The following IL13RA2 variants were observed in gnomAD, a reference collection of about 807,000 sequenced individuals.
IL13RA2 encodes interleukin 13 receptor subunit alpha 2.
Under a neutral mutation model 34.1 loss-of-function variants are expected in IL13RA2, and 25 were observed. The ratio of observed to expected loss-of-function variants is 0.73; its 90% confidence interval spans 0.53 to 1.03. The LOEUF is 1.03. Among genes scored for constraint, IL13RA2 ranks in the 50% least tolerant of loss-of-function variants. The pLI is 0.00. For missense variants in IL13RA2, 297 were observed against 280.9 expected (o/e 1.06, Z -0.41); for synonymous variants, 106 against 100.4 (o/e 1.06, Z -0.33).
At position 115,013,809 on chromosome X, in the gene IL13RA2, T is replaced by G; in HGVS notation, c.481A>C (p.Ile161Leu). 9.5e-7 allele frequency: 1 copy of G among 1,056,927 alleles called. No homozygotes were observed. The allele number at this position is 1,056,927 out of a possible 1,213,427, so 87.1% of individuals were successfully genotyped here. The change falls in exon 5 of 10, where the codon ATA becomes CTA. Residue 161 changes from isoleucine to leucine, a missense_variant. Physicochemically the swap from Ile to Leu is conservative, Grantham distance 5. Coordinates refer to ENST00000243213, the MANE Select transcript of IL13RA2 (RefSeq NM_000640.3). ...QYLLCSWKPG[I>L]GVLLDTNYNL... ...TAATTGGTATCAAGAAGTACACCTA[T>G]GCCAGGTTTCCAAGAACAGAGTAAA... is the stretch of plus-strand genomic sequence containing the variant.
In IL13RA2 at chrX:115,010,646, A is replaced by G; in HGVS notation, c.704T>C (p.Ile235Thr). ...AGTTGTTTGTTGGTTTACATCACCT[A>G]TATTTTGAAGCTGAAAAGTGAAATA... Reference protein sequence around the residue: ...SSYFTFQLQNIVKPLPPVYLT... With the variant: ...SSYFTFQLQNTVKPLPPVYLT... The change falls in exon 6 of 10, where the codon ATA (isoleucine) becomes ACA (threonine). Residue 235 changes from isoleucine (I) to threonine (T), a missense_variant and splice_region_variant. Ile to Thr is a moderately conservative substitution (Grantham distance 89). Coordinates refer to ENST00000243213, the MANE Select transcript of IL13RA2 (RefSeq NM_000640.3). 2 of 868,798 alleles carry G rather than the reference A, an allele frequency of 2.3e-6. No individual in the cohort carries two copies. Among genetic ancestry groups the G allele is most frequent in the South Asian group, 5.0e-5 (2 of 39,838 alleles). 71.6% of individuals were successfully genotyped at this position (868,798 alleles called of 1,213,427 possible).
At chrX:115,015,025 A>T (rs1282833773) in intron 3 of IL13RA2, among the ~76,000 whole-genome samples, 4 of 111,442 alleles carry the variant, frequency 3.6e-5, no homozygotes, top group African/African-American at 1.3e-4. Flanking sequence ...GACAAAAATC[A>T]TTTATTATTT....
chrX:115,014,535 C>A lies in IL13RA2; in HGVS notation c.286G>T (p.Asp96Tyr). 8.4e-7 allele frequency: 1 copy of A among 1,186,513 alleles called. No individual in the cohort carries two copies. The highest frequency in any genetic ancestry group is 1.1e-6 in the Non-Finnish European group (1 of 876,652). Residue 96 changes from aspartate (D) to tyrosine (Y), a missense_variant, in exon 4 of 10, where the codon GAT becomes TAT. Asp to Tyr is a radical substitution (Grantham distance 160, BLOSUM62 -3). Transcript: ENST00000243213. Reference sequence around the variant, plus strand: ...TTCGCTTCAATGCCCTTGTTAAGATCAAACCCATCTTTGTAATGTAGATTC... The same window carrying A: ...TTCGCTTCAATGCCCTTGTTAAGATAAAACCCATCTTTGTAATGTAGATTC... ...TKNLHYKDGF[D>Y]LNKGIEAKIH... is the part of the protein sequence containing the mutation.
chrX:115,012,871 G>C (rs2071711731), intron 5 of IL13RA2, among the ~76,000 whole-genome samples: 2 of 111,703 alleles, frequency 1.8e-5, no homozygotes, highest in Admixed American at 1.9e-4. Flanking sequence ...GATGAGCCTT[G>C]AAAAAGATGG....
chrX:115,015,619 A>C, intron 3 of IL13RA2, 51 bp downstream of exon 3: 1 of 1,077,567 alleles, frequency 9.3e-7, no homozygotes, highest in Non-Finnish European at 1.3e-6. Flanking sequence ...CAGGAATCAC[A>C]AAGTAACACC....
chrX:115,010,633 G>A lies in IL13RA2; in HGVS notation c.706+11C>T, dbSNP rs1556508600. ...ACAATGAATTTGAAGTTGTTTGTTG[G>A]TTTACATCACCTATATTTTGAAGCT... is the stretch of plus-strand genomic sequence containing the variant. On this transcript the variant is annotated intron_variant, in intron 6 of 9. Coordinates refer to ENST00000243213, the MANE Select transcript of IL13RA2 (RefSeq NM_000640.3). 1 of 764,170 alleles carries A rather than the reference G, an allele frequency of 1.3e-6. No individual in the cohort carries two copies. Among genetic ancestry groups the A allele is most frequent in the Non-Finnish European group, 1.9e-6 (1 of 529,102 alleles). The allele number at this position is 764,170 out of a possible 1,213,427, so 63.0% of individuals were successfully genotyped here. A position where few individuals can be genotyped will look rare whatever the true frequency, so the allele number is the denominator to read the frequency against.
intron 3 of IL13RA2, among the ~76,000 whole-genome samples, chrX:115,015,463 T>C (rs56043884): frequency 1.2e-3 from 136 of 111,814 alleles, no homozygotes; most frequent in Non-Finnish European, 1.7e-3. Context: ...TTTTGTTTTT[T>C]TTCTTGTTCT....
rs1556509770 is a variant in IL13RA2, at chrX:115,015,693, T to G, written c.223A>C (p.Asn75His). 3 of 1,204,190 alleles carry G rather than the reference T, an allele frequency of 2.5e-6. No homozygotes were observed. The highest frequency in any genetic ancestry group is 3.4e-6 in the Non-Finnish European group (3 of 888,695). The change falls in exon 3 of 10, where the codon AAC becomes CAC. Residue 75 changes from asparagine to histidine, a missense_variant. Physicochemically the swap from Asn to His is moderately conservative, Grantham distance 68 (BLOSUM62 1). Coordinates refer to ENST00000243213, the MANE Select transcript of IL13RA2 (RefSeq NM_000640.3). The stretch of plus-strand genomic sequence containing the variant: ...ACCTTCCATGTTTCACTACCAATGT[T>G]TCGGTATTTTAGTTCATATTCCACT... ...CTVEYELKYR[N>H]IGSETWKTII...
intron 2 of IL13RA2, 47 bp from the exon 3 acceptor site, chrX:115,015,868 C>A (rs369289363): frequency 1.1e-6 from 1 of 893,561 alleles, no homozygotes; most frequent in Non-Finnish European, 1.6e-6. Flanking sequence ...TATTTTATGA[C>A]AAATATTGCT....
chrX:115,017,215 T>C lies in IL13RA2; in HGVS notation c.55A>G (p.Thr19Ala). Residue 19 changes from threonine (T) to alanine (A), a missense_variant, in exon 2 of 10, where the codon ACA (threonine) becomes GCA (alanine). By Grantham distance (58) the Thr-to-Ala change is moderately conservative (BLOSUM62 0). Transcript: ENST00000243213. ...GCLYTFLIST[T>A]FGCTSSSDTE... The stretch of plus-strand genomic sequence containing the variant: ...TCTGAAGATGAAGTACAGCCAAATG[T>C]TGTGCTTATCAGAAAGGTATATAAG... 9.9e-7 allele frequency: 1 copy of C among 1,011,609 alleles called. No individual in the cohort carries two copies. Among genetic ancestry groups the C allele is most frequent in the African/African-American group, 1.9e-5 (1 of 53,832 alleles). 83.4% of individuals were successfully genotyped at this position (1,011,609 alleles called of 1,213,427 possible). A position where few individuals can be genotyped will look rare whatever the true frequency, so the allele number is the denominator to read the frequency against.
intron 3 of IL13RA2, 71 bp downstream of exon 3, chrX:115,015,599 A>G: frequency 1.1e-6 from 1 of 923,652 alleles, no homozygotes; most frequent in Non-Finnish European, 1.6e-6. Context: ...ATTGGAGCGG[A>G]CACTAAAGTC....
At position 115,017,185 on chromosome X, in the gene IL13RA2, C is replaced by T. The variant is rs148209653; in HGVS notation, c.85G>A (p.Glu29Lys). ...ATTAAAATCCATTTACCTTTTATCT[C>T]GGTGTCTGAAGATGAAGTACAGCCA... ...TFGCTSSSDT[E>K]IKVNPPQDFE... The change falls in exon 2 of 10, where the codon GAG becomes AAG. Residue 29 changes from glutamate to lysine, a missense_variant. Physicochemically the swap from Glu to Lys is moderately conservative, Grantham distance 56. Transcript: ENST00000243213. The T allele has an allele frequency of 2.3e-5, 19 of 808,520 alleles. No homozygotes were observed. Among genetic ancestry groups the T allele is most frequent in the East Asian group, 3.2e-5 (1 of 31,318 alleles). The allele number at this position is 808,520 out of a possible 1,213,427, so 66.6% of individuals were successfully genotyped here. A position where few individuals can be genotyped will look rare whatever the true frequency, so the allele number is the denominator to read the frequency against.
rs1556507256 is a variant in IL13RA2 at position 115,005,266 on chromosome X, A to G, written c.1047T>C (p.Gly349=). ...KTLLRFWLPF[G]FILILVIFVT... ...CAAATATAACTAATATTAAGATGAA[A>G]CCAAATGGTAGCCAGAAACGTAGCA... Residue 349 remains glycine (G), a synonymous_variant, in exon 9 of 10, where the codon GGT becomes GGC. Transcript: ENST00000243213. 2.6e-6 allele frequency: 3 copies of G among 1,149,165 alleles called. No individual in the cohort carries two copies. The South Asian group carries it at 5.4e-5, about 21-fold the overall frequency. 94.7% of individuals were successfully genotyped at this position (1,149,165 alleles called of 1,213,427 possible). A position where few individuals can be genotyped will look rare whatever the true frequency, so the allele number is the denominator to read the frequency against.
chrX:115,015,687 C>T lies in IL13RA2; in HGVS notation c.229G>A (p.Gly77Ser). 8.3e-7 allele frequency: 1 copy of T among 1,204,299 alleles called. No individual in the cohort carries two copies. Among genetic ancestry groups the T allele is most frequent in the Non-Finnish European group, 1.1e-6 (1 of 889,032 alleles). Residue 77 changes from glycine (G) to serine (S), a missense_variant, in exon 3 of 10, where the codon GGT becomes AGT. Gly to Ser is a moderately conservative substitution (Grantham distance 56, BLOSUM62 0). Coordinates refer to ENST00000243213, the MANE Select transcript of IL13RA2 (RefSeq NM_000640.3). ...VEYELKYRNI[G>S]SETWKTIITK... ...TTACTTACCTTCCATGTTTCACTAC[C>T]AATGTTTCGGTATTTTAGTTCATAT...
chrX:115,004,032 G>A lies in IL13RA2; in HGVS notation c.*48C>T, dbSNP rs782000469. 1.3e-6 allele frequency: 1 copy of A among 761,658 alleles called. No individual in the cohort carries two copies. The highest frequency in any genetic ancestry group is 2.0e-6 in the Non-Finnish European group (1 of 498,787). The allele number at this position is 761,658 out of a possible 1,213,427, so 62.8% of individuals were successfully genotyped here. A position where few individuals can be genotyped will look rare whatever the true frequency, so the allele number is the denominator to read the frequency against. ...AGACTCATATTGAACATTTGGCCAT[G>A]ACTGGAAACTGTTGAGTCAATACCA... On this transcript the variant is annotated 3_prime_UTR_variant, in exon 10 of 10. Transcript: ENST00000243213.
At chrX:115,012,638 G>A (rs781974072) in intron 5 of IL13RA2, among the ~76,000 whole-genome samples, 3 of 110,836 alleles carry the variant, frequency 2.7e-5, no homozygotes, top group South Asian at 7.7e-4. Context: ...GGTGGCACAC[G>A]CCCATAATCC....
intron 3 of IL13RA2, among the ~76,000 whole-genome samples, chrX:115,015,165 C>A (rs911005749): frequency 6.3e-5 from 7 of 111,863 alleles, no homozygotes; most frequent in Non-Finnish European, 1.1e-4. Flanking sequence ...CAACAGAAAT[C>A]TTTGAATATA....
At chrX:115,007,588 T>C (rs2147584926) in intron 8 of IL13RA2, among the ~76,000 whole-genome samples, 1 of 111,913 alleles carries the variant, frequency 8.9e-6, no homozygotes, top group Non-Finnish European at 1.9e-5. Flanking sequence ...TATGCTGATC[T>C]ATACTTGCTT....
chrX:115,015,244 A>G (rs2071721604), intron 3 of IL13RA2, among the ~76,000 whole-genome samples: 1 of 111,769 alleles, frequency 8.9e-6, no homozygotes, highest in African/African-American at 3.3e-5. Context: ...TACAATATAT[A>G]CAACGAACCA....
Sources: allele counts gnomAD v4.1 joint callset (sites outside exome capture counted in the v4.1 genomes callset), GRCh38; gene constraint gnomAD v4.1.1; transcripts MANE v1.5; gene names NCBI Gene and HGNC (gene_info 2026-07-23, HGNC 2026-07-21).